The following PALM2AKAP2 variants were observed in gnomAD, a reference collection of about 807,000 sequenced individuals.
The protein encoded by PALM2AKAP2 is PALM2 and AKAP2 fusion, also known as PALM2-AKAP2 fusion protein.
PALM2AKAP2 carries 37 observed loss-of-function variants against 71.5 expected under a neutral mutation model. The observed-to-expected ratio is 0.52, with a 90% CI of 0.40 to 0.68. The LOEUF is 0.68. Ranked by LOEUF, PALM2AKAP2 falls within the 30% of genes least tolerant of loss-of-function variation. PALM2AKAP2 has a pLI of 0.00. For synonymous variants in PALM2AKAP2, 468 were observed against 478.8 expected (o/e 0.98, Z 0.29); for missense variants, 1,224 against 1,191.8 (o/e 1.03, Z -0.40).
At chr9:109,973,190 A>G (rs567645972) in intron 6 of PALM2AKAP2, among the ~76,000 whole-genome samples, 1 of 152,224 alleles carries the variant, frequency 6.6e-6, no homozygotes, top group Non-Finnish European at 1.5e-5. Flanking sequence ...TACCCAAAAG[A>G]ATCAAAAGCA....
intron 1 of PALM2AKAP2, among the ~76,000 whole-genome samples, chr9:109,817,800 C>T (rs1827889820): frequency 6.6e-6 from 1 of 152,164 alleles, no homozygotes; most frequent in Non-Finnish European, 1.5e-5. Flanking sequence ...TCCAAATGTT[C>T]CTGGCCCCCT....
chr9:109,876,238 C>A (rs1008800923), intron 2 of PALM2AKAP2, among the ~76,000 whole-genome samples: 2 of 152,010 alleles, frequency 1.3e-5, no homozygotes, highest in African/African-American at 4.8e-5. Flanking sequence ...GTATAGGGGA[C>A]CCTGTGCTTT....
intron 1 of PALM2AKAP2, chr9:110,125,620 C>A: frequency 1.0e-6 from 1 of 981,888 alleles, no homozygotes; most frequent in Non-Finnish European, 1.2e-6. Context: ...GCTGACTTAT[C>A]TTCGTGTCCT....
chr9:110,002,311 T>G (rs1832696639), intron 6 of PALM2AKAP2, among the ~76,000 whole-genome samples: 1 of 152,148 alleles, frequency 6.6e-6, no homozygotes, highest in Non-Finnish European at 1.5e-5. Context: ...TATGCTGGAT[T>G]ATGTTTATTG....
chr9:110,027,742 GA>G (rs1292323604), intron 7 of PALM2AKAP2, among the ~76,000 whole-genome samples: 3 of 152,192 alleles, frequency 2.0e-5, no homozygotes, highest in Non-Finnish European at 4.4e-5. Context: ...TACAAAAGAG[GA>G]AAAGCATTTA....
At chr9:110,121,636 G>C (rs1017178234) in intron 1 of PALM2AKAP2, among the ~76,000 whole-genome samples, 2 of 152,158 alleles carry the variant, frequency 1.3e-5, no homozygotes, top group Non-Finnish European at 2.9e-5. Flanking sequence ...CCTGTTTTTG[G>C]AACTTTCTGT....
intron 2 of PALM2AKAP2, among the ~76,000 whole-genome samples, chr9:110,145,242 T>TG (rs1251911999): frequency 6.6e-6 from 1 of 152,184 alleles, no homozygotes; most frequent in Admixed American, 6.5e-5. Context: ...CTTTCTGCTT[T>TG]CAGAACTCAA....
intron 1 of PALM2AKAP2, among the ~76,000 whole-genome samples, chr9:110,100,397 A>G (rs1203035544): frequency 6.6e-6 from 1 of 152,078 alleles, no homozygotes; most frequent in African/African-American, 2.4e-5. Context: ...TAGGGGAAGC[A>G]ACAGAGGTGG....
chr9:110,011,579 C>T (rs1588057727), intron 6 of PALM2AKAP2, among the ~76,000 whole-genome samples: 1 of 152,174 alleles, frequency 6.6e-6, no homozygotes, highest in East Asian at 1.9e-4. Flanking sequence ...GAATGGAAAT[C>T]ATTTTGGAAA....
intron 1 of PALM2AKAP2, among the ~76,000 whole-genome samples, chr9:110,052,503 G>A (rs1449632561): frequency 6.6e-6 from 1 of 152,174 alleles, no homozygotes; most frequent in Non-Finnish European, 1.5e-5. Context: ...TTATAGGAAA[G>A]TTAAAACCAT....
At chr9:109,852,854 C>T (rs570108046) in intron 1 of PALM2AKAP2, among the ~76,000 whole-genome samples, 33 of 152,116 alleles carry the variant, frequency 2.2e-4, no homozygotes, top group African/African-American at 7.5e-4. Context: ...TGTTCATGTC[C>T]CTTGCTCACT....
At chr9:109,704,036 C>T (rs1373807652) in intron 1 of PALM2AKAP2, among the ~76,000 whole-genome samples, 2 of 152,198 alleles carry the variant, frequency 1.3e-5, no homozygotes, top group African/African-American at 4.8e-5. Flanking sequence ...GGACCTCACT[C>T]TGTGAGCCTT....
intron 6 of PALM2AKAP2, among the ~76,000 whole-genome samples, chr9:109,981,496 G>A (rs765956811): frequency 1.4e-4 from 22 of 152,132 alleles, no homozygotes; most frequent in Non-Finnish European, 5.9e-5. Flanking sequence ...GGTCCCCATC[G>A]CCCACAAAGC....
intron 1 of PALM2AKAP2, among the ~76,000 whole-genome samples, chr9:109,834,632 C>T (rs1828404832): frequency 6.6e-6 from 1 of 151,854 alleles, no homozygotes; most frequent in South Asian, 2.1e-4. Context: ...CACAGCTCCG[C>T]CTGAGCTCAC....
chr9:109,956,467 T>G (rs926856055), intron 6 of PALM2AKAP2, among the ~76,000 whole-genome samples: 3 of 152,240 alleles, frequency 2.0e-5, no homozygotes, highest in Non-Finnish European at 4.4e-5. Context: ...CTGCAGTTAG[T>G]GTGAATTATT....
chr9:109,999,129 A>G (rs986960779), intron 6 of PALM2AKAP2, among the ~76,000 whole-genome samples: 1 of 152,078 alleles, frequency 6.6e-6, no homozygotes, highest in African/African-American at 2.4e-5. Flanking sequence ...ACCTGAGATC[A>G]GGAGTTTGAG....
At chr9:109,737,331 G>T (rs1441644703) in intron 1 of PALM2AKAP2, among the ~76,000 whole-genome samples, 1 of 152,232 alleles carries the variant, frequency 6.6e-6, no homozygotes, top group Non-Finnish European at 1.5e-5. Context: ...GGATCTATTT[G>T]TTCTGTGACA....
rs754966706 is a variant in PALM2AKAP2, at chr9:110,107,125, T to A, written c.157-29002T>A. On this transcript the variant is annotated intron_variant, in intron 1 of 3. Transcript: ENST00000374525. ...CCACCCAGGCAGAAGGTAACAAAGA[T>A]GCAAAAATATTCTAGTTGTTTGGTT... 5.3e-5 allele frequency among the ~76,000 whole-genome samples: 8 copies of A among 152,328 alleles called. No individual in the cohort carries two copies. The East Asian group carries it at 1.5e-3, about 29-fold the overall frequency.
At chr9:110,105,800 T>C (rs906706909) in intron 1 of PALM2AKAP2, among the ~76,000 whole-genome samples, 12 of 152,214 alleles carry the variant, frequency 7.9e-5, no homozygotes, top group Non-Finnish European at 1.6e-4. Context: ...ATTACAAGTA[T>C]CCTTTTAGAC....
Sources: allele counts gnomAD v4.1 joint callset (sites outside exome capture counted in the v4.1 genomes callset), GRCh38; gene constraint gnomAD v4.1.1; transcripts MANE v1.5; gene names NCBI Gene and HGNC (gene_info 2026-07-23, HGNC 2026-07-21).